The following RBMS3 variants were observed in gnomAD, a reference collection of about 807,000 sequenced individuals.
The protein encoded by RBMS3 is RNA binding motif single stranded interacting protein 3.
In RBMS3, 27 loss-of-function variants were observed where a neutral mutation model predicts 66.8. The observed-to-expected ratio is 0.40, with a 90% CI of 0.30 to 0.56. RBMS3 has a LOEUF of 0.56. RBMS3 is among the 20% of genes least tolerant of loss of function. The pLI, the probability that RBMS3 is intolerant of heterozygous loss-of-function variation, is 0.40. For synonymous variants in RBMS3, 188 were observed against 183.0 expected (o/e 1.03, Z -0.22); for missense variants, 513 against 549.5 (o/e 0.93, Z 0.66).
At chr3:29,687,989 A>C (rs983733873) in intron 4 of RBMS3, among the ~76,000 whole-genome samples, 2 of 152,198 alleles carry the variant, frequency 1.3e-5, no homozygotes, top group Non-Finnish European at 2.9e-5. Flanking sequence ...ATTATGTTTC[A>C]GTGGTACTAG....
chr3:29,733,182 T>C (rs1277022277), intron 4 of RBMS3, among the ~76,000 whole-genome samples: 2 of 152,136 alleles, frequency 1.3e-5, no homozygotes, highest in African/African-American at 2.4e-5. Context: ...TTTAGAGTTG[T>C]TTCATACCTC....
chr3:29,349,496 T>G (rs4402894), intron 1 of RBMS3, among the ~76,000 whole-genome samples: 98,934 of 151,628 alleles, frequency 0.65, 32,444 homozygotes, highest in Non-Finnish European at 0.69. Flanking sequence ...AGCAACATAT[T>G]AAGCTCTTGA....
intron 3 of RBMS3, among the ~76,000 whole-genome samples, chr3:29,577,071 G>A (rs1308073503): frequency 6.6e-6 from 1 of 152,132 alleles, no homozygotes; most frequent in Non-Finnish European, 1.5e-5. Flanking sequence ...AAACAACCTG[G>A]GTTTTGCTGC....
intron 1 of RBMS3, among the ~76,000 whole-genome samples, chr3:29,367,839 C>T (rs2125594914): frequency 6.6e-6 from 1 of 152,200 alleles, no homozygotes; most frequent in African/African-American, 2.4e-5. Flanking sequence ...TCGATTATTA[C>T]TAATCAGGAA....
chr3:29,910,196 TCAGACTTTCTAGAA>T (rs2060482431), intron 10 of RBMS3, among the ~76,000 whole-genome samples: 1 of 152,102 alleles, frequency 6.6e-6, no homozygotes, highest in African/African-American at 2.4e-5. Context: ...AAAGTCCTTG[TCAGACTTTCTAGAA>T]AACAGCAAGT....
intron 6 of RBMS3, among the ~76,000 whole-genome samples, chr3:29,775,311 G>A (rs184614666): frequency 7.4e-5 from 11 of 149,654 alleles, no homozygotes; most frequent in Admixed American, 6.0e-4. Flanking sequence ...AATCTATAGT[G>A]AGTGTTTTGT....
At chr3:29,692,620 C>T (rs1378848683) in intron 4 of RBMS3, among the ~76,000 whole-genome samples, 1 of 152,152 alleles carries the variant, frequency 6.6e-6, no homozygotes, top group Non-Finnish European at 1.5e-5. Flanking sequence ...CTCTTCCCAT[C>T]ATTTTCTCAG....
chr3:29,472,515 G>T (rs1448018827), intron 2 of RBMS3, among the ~76,000 whole-genome samples: 1 of 152,106 alleles, frequency 6.6e-6, no homozygotes, highest in Non-Finnish European at 1.5e-5. Flanking sequence ...GAATGAAGCC[G>T]TGGACCCTCG....
chr3:29,813,043 C>T (rs1193687817), intron 6 of RBMS3, among the ~76,000 whole-genome samples: 1 of 151,976 alleles, frequency 6.6e-6, no homozygotes, highest in Admixed American at 6.6e-5. Context: ...TAAATATATG[C>T]ATTTTAATGT....
chr3:29,768,436 CTAAA>C (rs979399091), intron 6 of RBMS3, among the ~76,000 whole-genome samples: 2 of 151,626 alleles, frequency 1.3e-5, no homozygotes, highest in African/African-American at 2.4e-5. Flanking sequence ...GTATGAGAAG[CTAAA>C]TAGAGAAGGA....
At chr3:29,311,240 C>T (rs757801171) in intron 1 of RBMS3, among the ~76,000 whole-genome samples, 2 of 151,762 alleles carry the variant, frequency 1.3e-5, no homozygotes, top group Non-Finnish European at 2.9e-5. Flanking sequence ...CTCCGGAGAG[C>T]TCTGGCAGGA....
At chr3:29,752,214 A>G (rs2055213738) in intron 5 of RBMS3, among the ~76,000 whole-genome samples, 1 of 152,010 alleles carries the variant, frequency 6.6e-6, no homozygotes, top group African/African-American at 2.4e-5. Flanking sequence ...CTGTGGCAGA[A>G]CTCTTCTATG....
At position 29,480,970 on chromosome 3, in the gene RBMS3, G is replaced by A. The variant is rs761863531; in HGVS notation, c.249-7471G>A. Among the ~76,000 whole-genome samples, 229 of 152,176 alleles carry A rather than the reference G, an allele frequency of 1.5e-3. 1 individual carries two copies. Among genetic ancestry groups the A allele is most frequent in the Non-Finnish European group, 2.9e-3 (197 of 68,022 alleles). ...ATGGCAGGTGGCACTAGAGCTGAGA[G>A]GCAACAAGTGTTGGCAGAGCCTGGA... On this transcript the variant is annotated intron_variant, in intron 2 of 14. Coordinates refer to ENST00000383767, the MANE Select transcript of RBMS3 (RefSeq NM_001003793.3).
At chr3:29,392,904 A>G (rs1246937753) in intron 1 of RBMS3, among the ~76,000 whole-genome samples, 2 of 105,432 alleles carry the variant, frequency 1.9e-5, no homozygotes, top group African/African-American at 3.5e-5. Flanking sequence ...TGTCTACAGA[A>G]AAAAAAAAAC....
chr3:29,863,236 G>A (rs180832385), intron 6 of RBMS3, among the ~76,000 whole-genome samples: 1 of 150,500 alleles, frequency 6.6e-6, no homozygotes, highest in East Asian at 2.0e-4. Context: ...GGGAGAGGGG[G>A]AGGGATAGCA....
chr3:29,456,386 G>A (rs186295138), intron 2 of RBMS3, among the ~76,000 whole-genome samples: 76 of 152,218 alleles, frequency 5.0e-4, no homozygotes, highest in Non-Finnish European at 1.2e-4. Flanking sequence ...ATGCATAAAG[G>A]CACATCACGA....
Position 29,598,836 on chromosome 3 carries a change from A to AT in RBMS3, c.399+11640dup, listed in dbSNP as rs1461752830. ...TTAACTGTATTTTTTATAAACTTAG[A>AT]TTTTTTTTTAAAAGGAACAAAAACC... On this transcript the variant is annotated intron_variant, in intron 4 of 14. Transcript: ENST00000383767. Among the ~76,000 whole-genome samples, 10 of 151,736 alleles carry AT rather than the reference A, an allele frequency of 6.6e-5. No homozygotes were observed. The South Asian group carries it at 1.2e-3, about 19-fold the overall frequency.
chr3:29,316,972 T>C (rs1419155556), intron 1 of RBMS3, among the ~76,000 whole-genome samples: 1 of 151,794 alleles, frequency 6.6e-6, no homozygotes, highest in Non-Finnish European at 1.5e-5. Context: ...TTTCTGAAAC[T>C]CTAATTTGAT....
At chr3:29,482,697 C>CTTTTTTTTTTTT (rs1216159878) in intron 2 of RBMS3, among the ~76,000 whole-genome samples, 40 of 92,930 alleles carry the variant, frequency 4.3e-4, no homozygotes, top group East Asian at 1.0e-3. Context: ...TTCTTTCTTT[C>CTTTTTTTTTTTT]TTTCTTTTTT....
Sources: allele counts gnomAD v4.1 joint callset (sites outside exome capture counted in the v4.1 genomes callset), GRCh38; gene constraint gnomAD v4.1.1; transcripts MANE v1.5; gene names NCBI Gene and HGNC (gene_info 2026-07-23, HGNC 2026-07-21).